The following BNIP3L variants were observed in gnomAD, a reference collection of about 807,000 sequenced individuals.
BNIP3L encodes the protein BCL2/adenovirus E1B 19 kDa protein-interacting protein 3-like.
Under a neutral mutation model 25.5 loss-of-function variants are expected in BNIP3L, and 10 were observed. That is an observed-to-expected ratio of 0.39 (90% confidence interval 0.24 to 0.67). The LOEUF is 0.67. BNIP3L is among the 30% of genes least tolerant of loss of function. The pLI is 0.45. For missense variants in BNIP3L, 215 were observed against 270.9 expected, an observed-to-expected ratio of 0.79 and a Z score of 1.45; for synonymous variants, 113 against 101.2, an observed-to-expected ratio of 1.12 and a Z score of -0.70.
chr8:26,394,421 G>C (rs1408693225), intron 2 of BNIP3L, among the ~76,000 whole-genome samples: 1 of 151,974 alleles, frequency 6.6e-6, no homozygotes, highest in Non-Finnish European at 1.5e-5. Flanking sequence ...AAAATCATTA[G>C]GGACCCCAAA....
rs1312941999 is a variant in BNIP3L, at chr8:26,383,286, C to G, written c.100+56C>G. On this transcript the variant is annotated intron_variant, in intron 1 of 5. Coordinates refer to ENST00000380629, the MANE Select transcript of BNIP3L (RefSeq NM_004331.3). ...GATGGGGGAGGAGGAGCAGCCCCGGCCGCCGCCACCGGCGCGGCGCGGGAG... is the reference window on the plus strand; with the variant it reads ...GATGGGGGAGGAGGAGCAGCCCCGGGCGCCGCCACCGGCGCGGCGCGGGAG... The G allele has an allele frequency of 1.9e-6, 3 of 1,558,134 alleles. No homozygotes were observed. In the Admixed American group the frequency reaches 5.9e-5, roughly 30 times the overall value.
chr8:26,391,567 C>T, intron 2 of BNIP3L, 141 bp downstream of exon 2: 3 of 644,986 alleles, frequency 4.7e-6, no homozygotes, highest in Admixed American at 4.1e-5. Flanking sequence ...ATATATTGCA[C>T]AGATATATAT....
chr8:26,391,592 A>G (rs944497512), intron 2 of BNIP3L, among the ~76,000 whole-genome samples, 166 bp downstream of exon 2: 1 of 152,222 alleles, frequency 6.6e-6, no homozygotes, highest in Admixed American at 6.5e-5. Flanking sequence ...TTTATATGAG[A>G]CAGCTAATTG....
intron 5 of BNIP3L, among the ~76,000 whole-genome samples, chr8:26,408,658 G>C (rs139927622): frequency 6.6e-6 from 1 of 152,214 alleles, no homozygotes; most frequent in East Asian, 1.9e-4. Context: ...GATGACCTGA[G>C]GCCAGGAGTT....
chr8:26,404,470 A>G (rs1806455657), intron 3 of BNIP3L, among the ~76,000 whole-genome samples: 1 of 152,218 alleles, frequency 6.6e-6, no homozygotes, highest in South Asian at 2.1e-4. Context: ...GTGATCAGAA[A>G]ACAAAGAACT....
chr8:26,404,022 C>T (rs999030048), intron 3 of BNIP3L, among the ~76,000 whole-genome samples: 2 of 152,074 alleles, frequency 1.3e-5, no homozygotes, highest in African/African-American at 2.4e-5. Flanking sequence ...TAAATGAATT[C>T]GATTGATAAC....
Position 26,395,224 on chromosome 8 carries a change from T to C in BNIP3L, c.285-6T>C, listed in dbSNP as rs779914815. The C allele has an allele frequency of 6.2e-7, 1 of 1,613,988 alleles. No individual in the cohort carries two copies. The highest frequency in any genetic ancestry group is 1.1e-5 in the South Asian group (1 of 91,062). Reference sequence around the variant, plus strand: ...AAAACTAATAGCTGAATTCCTTCTCTTCTAGCCCTTCGCCACAAGAAGATG... The same window carrying C: ...AAAACTAATAGCTGAATTCCTTCTCCTCTAGCCCTTCGCCACAAGAAGATG... On this transcript the variant is annotated splice_region_variant and splice_polypyrimidine_tract_variant and intron_variant, in intron 2 of 5. Coordinates refer to ENST00000380629, the MANE Select transcript of BNIP3L (RefSeq NM_004331.3).
chr8:26,389,219 T>C (rs1806055387), intron 1 of BNIP3L, among the ~76,000 whole-genome samples: 1 of 152,124 alleles, frequency 6.6e-6, no homozygotes, highest in Non-Finnish European at 1.5e-5. Context: ...ACTGGTCCCA[T>C]TGGTTTAAAA....
chr8:26,383,160 G>C lies in BNIP3L; in HGVS notation c.30G>C (p.Pro10=), dbSNP rs772602833. ...CGTCCCACCTAGTCGAGCCGCCGCCGCCCCTGCACAACAACAACAACAACT... is the reference window on the plus strand; with the variant it reads ...CGTCCCACCTAGTCGAGCCGCCGCCCCCCCTGCACAACAACAACAACAACT... The part of the protein sequence containing the change: MSSHLVEPP[P]PLHNNNNNCE... The change falls in exon 1 of 6, where the codon CCG becomes CCC. Residue 10 remains proline (P), a synonymous_variant. Transcript: ENST00000380629. The C allele has an allele frequency of 1.9e-6, 3 of 1,612,166 alleles. No individual in the cohort carries two copies. The highest frequency in any genetic ancestry group is 3.3e-5 in the Admixed American group (2 of 59,904).
At position 26,383,121 on chromosome 8, in the gene BNIP3L, C is replaced by G. The variant is rs1055476; in HGVS notation, c.-10C>G. ...CCTGCTGCTGCCGCAGTCCTGCCAG[C>G]TGTCCGACAATGTCGTCCCACCTAG... On this transcript the variant is annotated 5_prime_UTR_variant, in exon 1 of 6. Coordinates refer to ENST00000380629, the MANE Select transcript of BNIP3L (RefSeq NM_004331.3). 31,534 of 1,603,318 alleles carry G rather than the reference C, an allele frequency of 0.02. 352 individuals are homozygous for G. Among genetic ancestry groups the G allele is most frequent in the Middle Eastern group, 0.04 (240 of 6,052 alleles).
intron 3 of BNIP3L, among the ~76,000 whole-genome samples, chr8:26,402,375 C>T (rs1806404889): frequency 6.6e-6 from 1 of 152,140 alleles, no homozygotes; most frequent in South Asian, 2.1e-4. Flanking sequence ...TACAAAGTCT[C>T]CATAGCAGAA....
At chr8:26,405,495 A>T (rs1806478652) in intron 3 of BNIP3L, among the ~76,000 whole-genome samples, 1 of 152,198 alleles carries the variant, frequency 6.6e-6, no homozygotes, top group Non-Finnish European at 1.5e-5. Flanking sequence ...ATTGGTACTA[A>T]CAAGAGCAGC....
intron 1 of BNIP3L, chr8:26,390,533 A>G: frequency 4.1e-6 from 4 of 985,312 alleles, no homozygotes; most frequent in Non-Finnish European, 4.8e-6. Context: ...TTTAGTGTAT[A>G]AAAAAGGAGA....
At chr8:26,387,095 T>C (rs564801054) in intron 1 of BNIP3L, among the ~76,000 whole-genome samples, 49 of 152,282 alleles carry the variant, frequency 3.2e-4, no homozygotes, top group African/African-American at 1.2e-3. Context: ...CTTCATTCTC[T>C]CCTCCCCTTG....
chr8:26,402,641 T>A (rs1432049100), intron 3 of BNIP3L, among the ~76,000 whole-genome samples: 1 of 152,188 alleles, frequency 6.6e-6, no homozygotes, highest in Non-Finnish European at 1.5e-5. Flanking sequence ...AATTATAGTT[T>A]AAGCTGGACA....
chr8:26,409,688 GTCA>G (rs1363312077), intron 5 of BNIP3L, among the ~76,000 whole-genome samples: 1 of 152,190 alleles, frequency 6.6e-6, no homozygotes, highest in Non-Finnish European at 1.5e-5. Context: ...CTCTCTTTCA[GTCA>G]TCTTCAGATT....
At chr8:26,385,933 C>T (rs1268757283) in intron 1 of BNIP3L, among the ~76,000 whole-genome samples, 1 of 152,156 alleles carries the variant, frequency 6.6e-6, no homozygotes, top group Non-Finnish European at 1.5e-5. Context: ...AAACAAGAAG[C>T]CTCATTGAAT....
intron 2 of BNIP3L, 56 bp downstream of exon 2, chr8:26,391,482 A>C: frequency 1.6e-5 from 22 of 1,394,934 alleles, no homozygotes; most frequent in African/African-American, 2.9e-5. Context: ...TACAGGGCTC[A>C]TTCACTCTAG....
intron 3 of BNIP3L, among the ~76,000 whole-genome samples, chr8:26,400,769 A>G (rs1806351263): frequency 1.5e-5 from 1 of 68,076 alleles, no homozygotes; most frequent in African/African-American, 5.8e-5. Context: ...ATGAACAGAC[A>G]CTTCTCAAAA....
Sources: allele counts gnomAD v4.1 joint callset (sites outside exome capture counted in the v4.1 genomes callset), GRCh38; gene constraint gnomAD v4.1.1; transcripts MANE v1.5; gene names NCBI Gene and HGNC (gene_info 2026-07-23, HGNC 2026-07-21).